Variants in USP24 observed in about 807,000 individuals in gnomAD.
USP24 encodes ubiquitin carboxyl-terminal hydrolase 24.
In USP24, 97 loss-of-function variants were observed where a neutral mutation model predicts 361.6. The observed-to-expected ratio is 0.27, with a 90% CI of 0.23 to 0.32. The LOEUF (loss-of-function observed/expected upper bound fraction) is 0.32, where lower values mean the gene tolerates loss of function less well. Ranked by LOEUF, USP24 falls within the 10% of genes least tolerant of loss-of-function variation. The pLI is 1.00. For missense variants in USP24, 2,353 were observed against 3,165.6 expected (o/e 0.74, Z 6.16); for synonymous variants, 1,098 against 1,124.6 (o/e 0.98, Z 0.47).
At chr1:55,073,774 T>G (rs1644966820) in intron 64 of USP24, 54 bp downstream of exon 64, 1 of 1,490,608 alleles carries the variant, frequency 6.7e-7, no homozygotes, top group Non-Finnish European at 9.2e-7. Flanking sequence ...TCTGCTCATA[T>G]GTGACTTGTA....
chr1:55,175,077 A>AT (rs910522505), intron 3 of USP24, among the ~76,000 whole-genome samples: 6 of 152,000 alleles, frequency 3.9e-5, no homozygotes, highest in Non-Finnish European at 8.8e-5. Context: ...AGATTTCTCC[A>AT]TTTTTTAAAA....
At chr1:55,086,691 T>A (rs1051199333) in intron 55 of USP24, among the ~76,000 whole-genome samples, 11 of 152,248 alleles carry the variant, frequency 7.2e-5, no homozygotes, top group African/African-American at 2.7e-4. Flanking sequence ...ACTTTGCTGT[T>A]AGAGATGAAC....
At position 55,106,127 on chromosome 1, in the gene USP24, C is replaced by T. The variant is rs761971687; in HGVS notation, c.4880+19G>A. 1.3e-6 allele frequency: 2 copies of T among 1,586,566 alleles called. No individual in the cohort carries two copies. Among genetic ancestry groups the T allele is most frequent in the East Asian group, 2.2e-5 (1 of 44,736 alleles). ...TTAGAATTTTTACCAAAACTGAACA[C>T]AACGTGCATTTTCCATACTTTGGAT... is the stretch of plus-strand genomic sequence containing the variant. On this transcript the variant is annotated intron_variant, in intron 41 of 67. Coordinates refer to ENST00000294383, the MANE Select transcript of USP24 (RefSeq NM_015306.3).
chr1:55,085,448 T>C (rs1645231184), intron 56 of USP24, among the ~76,000 whole-genome samples: 1 of 152,246 alleles, frequency 6.6e-6, no homozygotes, highest in Non-Finnish European at 1.5e-5. Flanking sequence ...GTGTCAGCTG[T>C]TTGAAACAGC....
At chr1:55,134,200 C>T (rs1262320895) in intron 29 of USP24, 37 bp from the exon 30 acceptor site, 2 of 1,599,742 alleles carry the variant, frequency 1.3e-6, no homozygotes, top group African/African-American at 2.7e-5. Context: ...TCATATAAGC[C>T]ATAGTTTAAT....
At chr1:55,134,512 T>C (rs1646679808) in intron 28 of USP24, 99 bp from the exon 29 acceptor site, 5 of 1,068,690 alleles carry the variant, frequency 4.7e-6, no homozygotes, top group Non-Finnish European at 7.0e-6. Flanking sequence ...TCTGAAAGGC[T>C]GGCTGGTCAC....
chr1:55,141,657 A>T lies in USP24; in HGVS notation c.2709T>A (p.Thr903=), dbSNP rs1260192606. 9.9e-6 allele frequency: 16 copies of T among 1,612,318 alleles called. No homozygotes were observed. The highest frequency in any genetic ancestry group is 5.3e-5 in the African/African-American group (4 of 74,896). ...CTGAGGTTGCTACAGTTGGCATGGC[A>T]GTTGCTGTAAGCATTTTTGTTGCTC... ...VTRATKMLTA[T]AMPTVATSVQ... Residue 903 remains threonine, a synonymous_variant, in exon 24 of 68, where the codon ACT becomes ACA. Coordinates refer to ENST00000294383, the MANE Select transcript of USP24 (RefSeq NM_015306.3).
At chr1:55,149,964 C>T (rs1057013706) in intron 16 of USP24, among the ~76,000 whole-genome samples, 4 of 152,134 alleles carry the variant, frequency 2.6e-5, no homozygotes, top group African/African-American at 4.8e-5. Flanking sequence ...AAGCATTTTC[C>T]GAAGTCAGGA....
chr1:55,214,724 T>G lies in USP24; in HGVS notation c.324+66A>C, dbSNP rs1644941819. On this transcript the variant is annotated intron_variant, in intron 1 of 67. Coordinates refer to ENST00000294383, the MANE Select transcript of USP24 (RefSeq NM_015306.3). The stretch of plus-strand genomic sequence containing the variant: ...TCTCCCCACACCAAGCCCAGCGGGG[T>G]GTGTCCCCTCCCAGGAACTCCAGCC... 2.7e-6 allele frequency: 3 copies of G among 1,117,370 alleles called. No individual in the cohort carries two copies. In the South Asian group the frequency reaches 1.3e-4, roughly 50 times the overall value. 69.2% of individuals were successfully genotyped at this position (1,117,370 alleles called of 1,614,324 possible). A position where few individuals can be genotyped will look rare whatever the true frequency, so the allele number is the denominator to read the frequency against.
At chr1:55,173,590 T>C (rs1208531187) in intron 3 of USP24, among the ~76,000 whole-genome samples, 1 of 152,216 alleles carries the variant, frequency 6.6e-6, no homozygotes, top group Non-Finnish European at 1.5e-5. Flanking sequence ...GGGAAAATAC[T>C]ATACAACAAA....
chr1:55,171,131 G>A (rs1410272100), intron 5 of USP24, among the ~76,000 whole-genome samples: 1 of 152,056 alleles, frequency 6.6e-6, no homozygotes, highest in African/African-American at 2.4e-5. Flanking sequence ...CTGGTTCCAG[G>A]CCTGAAAAAG....
intron 24 of USP24, 146 bp downstream of exon 24, chr1:55,141,470 C>T: frequency 1.4e-6 from 1 of 721,836 alleles, no homozygotes; most frequent in Non-Finnish European, 2.3e-6. Flanking sequence ...TGATGGGGAA[C>T]ATGTAATTCT....
intron 7 of USP24, among the ~76,000 whole-genome samples, chr1:55,162,470 G>A (rs1467904897): frequency 6.6e-6 from 1 of 152,148 alleles, no homozygotes; most frequent in East Asian, 1.9e-4. Context: ...GAAATTTAAT[G>A]TAATTTAAAT....
intron 1 of USP24, among the ~76,000 whole-genome samples, chr1:55,194,690 T>C (rs1644372664): frequency 6.6e-6 from 1 of 152,116 alleles, no homozygotes; most frequent in Non-Finnish European, 1.5e-5. Context: ...TCTCTCTCTA[T>C]GCTAGACTCT....
chr1:55,114,003 T>C (rs934767364), intron 38 of USP24, among the ~76,000 whole-genome samples: 2 of 152,170 alleles, frequency 1.3e-5, no homozygotes, highest in Non-Finnish European at 2.9e-5. Flanking sequence ...ATTGTATATT[T>C]AGAAAACCCC....
Position 55,215,165 on chromosome 1 carries a change from C to T in USP24, c.-52G>A. On this transcript the variant is annotated 5_prime_UTR_variant, in exon 1 of 68. Coordinates refer to ENST00000294383, the MANE Select transcript of USP24 (RefSeq NM_015306.3). ...CAGCGCACGGCGAAGCTACGGGTCC[C>T]GGGCCTGGCGGGCCGCGCGGCGCAC... 3.3e-6 allele frequency: 4 copies of T among 1,197,136 alleles called. No homozygotes were observed. Among genetic ancestry groups the T allele is most frequent in the African/African-American group, 1.6e-5 (1 of 62,960 alleles). The allele number at this position is 1,197,136 out of a possible 1,614,324, so 74.2% of individuals were successfully genotyped here. A position where few individuals can be genotyped will look rare whatever the true frequency, so the allele number is the denominator to read the frequency against.
At chr1:55,144,993 A>G (rs2100703142) in intron 20 of USP24, among the ~76,000 whole-genome samples, 1 of 152,276 alleles carries the variant, frequency 6.6e-6, no homozygotes, top group Non-Finnish European at 1.5e-5. Flanking sequence ...ACCCATTACG[A>G]TGTCTAAAAT....
intron 12 of USP24, among the ~76,000 whole-genome samples, chr1:55,156,379 C>T (rs1647660979): frequency 1.3e-5 from 2 of 151,350 alleles, no homozygotes; most frequent in South Asian, 4.2e-4. Context: ...AGAACTAAGG[C>T]TTGAAAAAAA....
At chr1:55,089,434 C>T (rs1232236396) in intron 55 of USP24, among the ~76,000 whole-genome samples, 193 bp downstream of exon 55, 1 of 152,164 alleles carries the variant, frequency 6.6e-6, no homozygotes, top group African/African-American at 2.4e-5. Flanking sequence ...TTCTTGTGGT[C>T]ACTGAATACT....
Sources: gnomAD v4.1 joint callset for allele counts (sites outside exome capture counted in the v4.1 genomes callset) on GRCh38, gnomAD v4.1.1 for gene constraint, MANE v1.5 for transcripts, NCBI Gene and HGNC (gene_info 2026-07-23, HGNC 2026-07-21) for gene names.